The following FARS2 variants were observed in gnomAD, a reference collection of about 807,000 sequenced individuals.
FARS2 encodes the protein phenylalanine--tRNA ligase, mitochondrial.
In FARS2, 40 loss-of-function variants were observed where a neutral mutation model predicts 46.4. The observed-to-expected ratio is 0.86, with a 90% CI of 0.67 to 1.12. The LOEUF (loss-of-function observed/expected upper bound fraction) is 1.12. Among genes scored for constraint, FARS2 ranks in the 50% most tolerant of loss-of-function variants. The pLI, the probability that FARS2 is intolerant of heterozygous loss-of-function variation, is 0.00. For synonymous variants in FARS2, 234 were observed against 214.9 expected (o/e 1.09, Z -0.78); for missense variants, 513 against 567.9 (o/e 0.90, Z 0.98).
At chr6:5,442,706 C>G (rs189698062) in intron 4 of FARS2, among the ~76,000 whole-genome samples, 2 of 152,222 alleles carry the variant, frequency 1.3e-5, no homozygotes, top group African/African-American at 4.8e-5. Context: ...GACAGTTTCC[C>G]TTGGCTGGGA....
chr6:5,700,554 T>C (rs893129719), intron 6 of FARS2, among the ~76,000 whole-genome samples: 5 of 152,048 alleles, frequency 3.3e-5, no homozygotes, highest in Non-Finnish European at 5.9e-5. Context: ...CGCACCACCA[T>C]GTCCAGCTGA....
At chr6:5,365,346 T>C (rs1490005007) in intron 1 of FARS2, among the ~76,000 whole-genome samples, 1 of 122,116 alleles carries the variant, frequency 8.2e-6, no homozygotes, top group African/African-American at 3.3e-5. Flanking sequence ...TTTTTTTTTT[T>C]AGTGAGGCAG....
At chr6:5,401,556 A>G (rs1361079742) in intron 2 of FARS2, among the ~76,000 whole-genome samples, 1 of 152,114 alleles carries the variant, frequency 6.6e-6, no homozygotes, top group Non-Finnish European at 1.5e-5. Context: ...ATTTTTATGT[A>G]TTAACATGTT....
At chr6:5,444,434 T>C (rs1290314686) in intron 4 of FARS2, among the ~76,000 whole-genome samples, 2 of 127,286 alleles carry the variant, frequency 1.6e-5, no homozygotes, top group Non-Finnish European at 3.1e-5. Context: ...GCCATTGCAC[T>C]CCAGCCTGGG....
intron 4 of FARS2, among the ~76,000 whole-genome samples, chr6:5,476,849 T>C (rs1370036545): frequency 6.6e-6 from 1 of 152,016 alleles, no homozygotes; most frequent in Non-Finnish European, 1.5e-5. Flanking sequence ...AGGGGGTTAT[T>C]GGGAGGAATA....
At chr6:5,312,026 A>C (rs1199407001) in intron 1 of FARS2, among the ~76,000 whole-genome samples, 1 of 152,228 alleles carries the variant, frequency 6.6e-6, no homozygotes, top group Non-Finnish European at 1.5e-5. Context: ...TTCATCCACA[A>C]ACCATATTTA....
chr6:5,295,609 T>TATA (rs1277353736), intron 1 of FARS2, among the ~76,000 whole-genome samples: 4 of 152,352 alleles, frequency 2.6e-5, no homozygotes, highest in African/African-American at 9.6e-5. Flanking sequence ...CTGTCAGATT[T>TATA]ATAGGATAAC....
the FARS2 span, among the ~76,000 whole-genome samples, chr6:5,254,606 A>C: frequency 6.6e-6 from 1 of 152,206 alleles, no homozygotes; most frequent in Non-Finnish European, 1.5e-5. Context: ...TATGTGTGAT[A>C]TGTGCCCTAA....
At chr6:5,402,080 C>G (rs78843091) in intron 2 of FARS2, among the ~76,000 whole-genome samples, 1 of 151,356 alleles carries the variant, frequency 6.6e-6, no homozygotes, top group Non-Finnish European at 1.5e-5. Context: ...CACTTTCTTT[C>G]TGATTCTTCT....
At chr6:5,427,839 G>A (rs533830144) in intron 3 of FARS2, among the ~76,000 whole-genome samples, 15 of 152,174 alleles carry the variant, frequency 9.9e-5, no homozygotes, top group Non-Finnish European at 1.9e-4. Flanking sequence ...AAAAGAGCAA[G>A]GGTTGATAAA....
At chr6:5,439,338 C>G (rs535079573) in intron 4 of FARS2, among the ~76,000 whole-genome samples, 2 of 152,326 alleles carry the variant, frequency 1.3e-5, no homozygotes, top group African/African-American at 2.4e-5. Context: ...CTCCTCAACT[C>G]GCAGAATCCC....
At position 5,343,891 on chromosome 6, in the gene FARS2, A is replaced by G. The variant is rs1228495122; in HGVS notation, c.-21-24659A>G. On this transcript the variant is annotated intron_variant, in intron 1 of 6. Coordinates refer to ENST00000274680, the MANE Select transcript of FARS2 (RefSeq NM_006567.5). This position sits in a 1 kb window ranked among gnomAD's most constrained non-coding sequence, Gnocchi z 4.5. ...TCCCTTTAAAAGATAAAAACAAATT[A>G]GCTCAAATTCTAACCACAGCCATAA... 1.3e-5 allele frequency among the ~76,000 whole-genome samples: 2 copies of G among 152,348 alleles called. No individual in the cohort carries two copies. The highest frequency in any genetic ancestry group is 2.9e-5 in the Non-Finnish European group (2 of 68,028).
chr6:5,381,370 A>AAAAT, intron 2 of FARS2, among the ~76,000 whole-genome samples: 1 of 132,904 alleles, frequency 7.5e-6, no homozygotes, highest in Non-Finnish European at 1.5e-5. Flanking sequence ...ACTCCCCAGA[A>AAAAT]ACACACACAC....
rs747036254 is a variant in FARS2 at position 5,369,108 on chromosome 6, C to A, written c.538C>A (p.Arg180Ser). The change falls in exon 2 of 7, where the codon CGT becomes AGT. Residue 180 changes from arginine (R) to serine (S), a missense_variant. Physicochemically the swap from Arg to Ser is moderately radical, Grantham distance 110 (BLOSUM62 -1). Coordinates refer to ENST00000274680, the MANE Select transcript of FARS2 (RefSeq NM_006567.5). ...AFLVVGDVYR[R>S]DQIDSQHYPI... ...CCTGGTGGTGGGTGATGTCTACAGG[C>A]GTGACCAGATCGACTCCCAGCACTA... The A allele has an allele frequency of 6.2e-7, 1 of 1,613,606 alleles. No individual in the cohort carries two copies. The highest frequency in any genetic ancestry group is 1.1e-5 in the South Asian group (1 of 91,068).
At chr6:5,278,872 T>C (rs1408047474) in intron 1 of FARS2, among the ~76,000 whole-genome samples, 2 of 152,198 alleles carry the variant, frequency 1.3e-5, no homozygotes, top group Non-Finnish European at 2.9e-5. Context: ...TGGCTTCCAC[T>C]AAGTAGAGAG....
intron 4 of FARS2, among the ~76,000 whole-genome samples, chr6:5,474,298 G>A (rs765763145): frequency 1.2e-4 from 18 of 152,230 alleles, no homozygotes; most frequent in Non-Finnish European, 2.5e-4. Context: ...GTTGGGCAGT[G>A]TACCGGGTAC....
At chr6:5,623,148 ACTAT>A (rs1485224557) in intron 6 of FARS2, among the ~76,000 whole-genome samples, 1 of 152,234 alleles carries the variant, frequency 6.6e-6, no homozygotes, top group Non-Finnish European at 1.5e-5. Flanking sequence ...ACTAGATGAC[ACTAT>A]CTATGTGAAA....
chr6:5,348,886 A>G (rs1757402068), intron 1 of FARS2, among the ~76,000 whole-genome samples: 1 of 151,478 alleles, frequency 6.6e-6, no homozygotes, highest in South Asian at 2.1e-4. Flanking sequence ...TAATGGTGAA[A>G]GACTGAATGC....
At chr6:5,626,253 C>T (rs34292399) in intron 6 of FARS2, among the ~76,000 whole-genome samples, 1 of 152,128 alleles carries the variant, frequency 6.6e-6, no homozygotes, top group Non-Finnish European at 1.5e-5. Flanking sequence ...CATCCCCAGC[C>T]TGCAGGTCCA....
Sources: gnomAD v4.1 joint callset for allele counts (sites outside exome capture counted in the v4.1 genomes callset) on GRCh38, gnomAD v4.1.1 for gene constraint, Gnocchi (gnomAD v3.1) non-coding constraint, MANE v1.5 for transcripts, NCBI Gene and HGNC (gene_info 2026-07-23, HGNC 2026-07-21) for gene names.